SMIM31: variants seen among roughly 807,000 people sequenced by gnomAD.
SMIM31 encodes the protein small integral membrane protein 31.
intron 2 of SMIM31, among the ~76,000 whole-genome samples, chr4:164,795,312 C>T (rs1427382932): frequency 6.6e-6 from 1 of 152,176 alleles, no homozygotes; most frequent in Non-Finnish European, 1.5e-5. Context: ...AATCCCAGCA[C>T]TTTGGGAGGC....
intron 2 of SMIM31, among the ~76,000 whole-genome samples, chr4:164,781,858 A>C (rs537106080): frequency 2.0e-5 from 3 of 152,376 alleles, no homozygotes; most frequent in Non-Finnish European, 4.4e-5. Flanking sequence ...GCTGCCAGGC[A>C]TTAAGGCCAG....
chr4:164,776,815 G>A (rs1732884769), intron 2 of SMIM31, among the ~76,000 whole-genome samples: 1 of 152,128 alleles, frequency 6.6e-6, no homozygotes, highest in African/African-American at 2.4e-5. Context: ...CATTTCATGA[G>A]CATTATACAT....
intron 1 of SMIM31, among the ~76,000 whole-genome samples, chr4:164,768,895 G>T (rs973648535): frequency 6.6e-6 from 1 of 152,158 alleles, no homozygotes; most frequent in African/African-American, 2.4e-5. Flanking sequence ...ATGAATGGCC[G>T]AATATGTCAG....
chr4:164,778,420 A>G (rs2110941984), intron 2 of SMIM31, among the ~76,000 whole-genome samples: 1 of 152,282 alleles, frequency 6.6e-6, no homozygotes, highest in Non-Finnish European at 1.5e-5. Flanking sequence ...CTCTAATAAT[A>G]TACAAAATGA....
chr4:164,758,142 T>C (rs924562154), intron 1 of SMIM31, among the ~76,000 whole-genome samples: 7 of 152,244 alleles, frequency 4.6e-5, no homozygotes, highest in Admixed American at 3.3e-4. Context: ...AATTGTTGAA[T>C]TCTATTTAAA....
chr4:164,763,346 C>G (rs949318234), intron 1 of SMIM31, among the ~76,000 whole-genome samples: 2 of 151,950 alleles, frequency 1.3e-5, no homozygotes, highest in Non-Finnish European at 2.9e-5. Context: ...TTAAATCATC[C>G]TTTAGAAACT....
intron 1 of SMIM31, among the ~76,000 whole-genome samples, chr4:164,759,715 C>G (rs1468478048): frequency 2.6e-5 from 4 of 152,120 alleles, no homozygotes; most frequent in African/African-American, 9.7e-5. Flanking sequence ...TTGAGCTCCT[C>G]CTGGCTAAAT....
intron 1 of SMIM31, among the ~76,000 whole-genome samples, chr4:164,755,604 G>T (rs1469031094): frequency 7.4e-6 from 1 of 135,872 alleles, no homozygotes; most frequent in Admixed American, 8.0e-5. Flanking sequence ...GGCCAGCATT[G>T]TGTTGTTCTA....
rs553130418 is a variant in SMIM31, at chr4:164,770,433, G to A, written c.-11G>A. 15 of 398,866 alleles carry A rather than the reference G, an allele frequency of 3.8e-5. No individual in the cohort carries two copies. The highest frequency in any genetic ancestry group is 1.3e-4 in the Admixed American group (3 of 22,724). 24.7% of individuals were successfully genotyped at this position (398,866 alleles called of 1,614,324 possible). ...TCCTATTGTAGGTGAAGAAGTTTTC[G>A]GTGGTGGTTCATGGAGCTTCCCTAC... On this transcript the variant is annotated 5_prime_UTR_variant, in exon 2 of 3. Coordinates refer to ENST00000507311, the MANE Select transcript of SMIM31 (RefSeq NM_001352885.1).
At chr4:164,795,479 A>G (rs1261736705) in intron 2 of SMIM31, among the ~76,000 whole-genome samples, 1 of 143,396 alleles carries the variant, frequency 7.0e-6, no homozygotes, top group Admixed American at 7.4e-5. Flanking sequence ...AATCACTTGA[A>G]CCTGGGAGGC....
chr4:164,783,332 T>G (rs1214404891), intron 2 of SMIM31, among the ~76,000 whole-genome samples: 1 of 151,524 alleles, frequency 6.6e-6, no homozygotes, highest in Non-Finnish European at 1.5e-5. Flanking sequence ...AAGACCAGCC[T>G]GGCCAACATG....
rs185384220 is a variant in SMIM31 at position 164,756,299 on chromosome 4, G to C, written c.-26+1888G>C. ...TAAAAAGTAATAATAGGCCGGGTGC[G>C]GTGGCTCACGCCTGTAATCCCAGCA... is the stretch of plus-strand genomic sequence containing the variant. On this transcript the variant is annotated intron_variant, in intron 1 of 2. Coordinates refer to ENST00000507311, the MANE Select transcript of SMIM31 (RefSeq NM_001352885.1). Among the ~76,000 whole-genome samples, 210 of 152,178 alleles carry C rather than the reference G, an allele frequency of 1.4e-3. 1 individual carries two copies. Among genetic ancestry groups the C allele is most frequent in the African/African-American group, 4.8e-3 (199 of 41,496 alleles).
At chr4:164,776,326 A>G (rs1245972477) in intron 2 of SMIM31, among the ~76,000 whole-genome samples, 1 of 152,224 alleles carries the variant, frequency 6.6e-6, no homozygotes, top group Admixed American at 6.5e-5. Context: ...ATAATGAACT[A>G]GAGTTCCATG....
chr4:164,794,614 G>T lies in SMIM31; in HGVS notation c.113-6477G>T, dbSNP rs182490615. On this transcript the variant is annotated intron_variant, in intron 2 of 2. Coordinates refer to ENST00000507311, the MANE Select transcript of SMIM31 (RefSeq NM_001352885.1). ...AAGGTCAAGAGATCAAGACCATCCT[G>T]GCCAACATGGTGAAACCCTGACTCT... 4.0e-3 allele frequency among the ~76,000 whole-genome samples: 609 copies of T among 152,144 alleles called. 8 individuals are homozygous for T. The highest frequency in any genetic ancestry group is 0.026 in the South Asian group (125 of 4,816).
intron 2 of SMIM31, among the ~76,000 whole-genome samples, chr4:164,799,342 G>A (rs887079282): frequency 3.3e-5 from 5 of 151,892 alleles, no homozygotes; most frequent in East Asian, 3.9e-4. Flanking sequence ...CCAAGATCAC[G>A]CCACTGCACT....
At chr4:164,756,346 G>A (rs571037466) in intron 1 of SMIM31, among the ~76,000 whole-genome samples, 9 of 152,120 alleles carry the variant, frequency 5.9e-5, no homozygotes, top group Admixed American at 2.0e-4. Context: ...TGGGGCAGGC[G>A]GATCACAAGG....
chr4:164,760,214 C>A (rs112125094), intron 1 of SMIM31, among the ~76,000 whole-genome samples: 1 of 152,066 alleles, frequency 6.6e-6, no homozygotes, highest in Non-Finnish European at 1.5e-5. Flanking sequence ...AGGATACTGG[C>A]TTTTAATCTG....
intron 2 of SMIM31, among the ~76,000 whole-genome samples, chr4:164,797,786 A>G (rs28500699): frequency 0.032 from 4,910 of 152,074 alleles, 255 homozygotes; most frequent in African/African-American, 0.11. Context: ...TCTTACATGC[A>G]TATACTGCAC....
intron 2 of SMIM31, among the ~76,000 whole-genome samples, chr4:164,782,629 A>G (rs897521661): frequency 3.7e-5 from 5 of 133,608 alleles, no homozygotes; most frequent in Non-Finnish European, 5.9e-5. Context: ...CCCCAACACT[A>G]CTTTGTCTCT....
Sources: allele counts gnomAD v4.1 joint callset (sites outside exome capture counted in the v4.1 genomes callset), GRCh38; gene constraint gnomAD v4.1.1; transcripts MANE v1.5; gene names NCBI Gene and HGNC (gene_info 2026-07-23, HGNC 2026-07-21).